Variants in FOCAD observed in about 807,000 individuals in gnomAD.
FOCAD encodes KIAA1797.
Under a neutral mutation model 225.6 loss-of-function variants are expected in FOCAD, and 198 were observed. The observed-to-expected ratio is 0.88, with a 90% CI of 0.78 to 0.99. The LOEUF (loss-of-function observed/expected upper bound fraction) is 0.99, where lower values mean the gene tolerates loss of function less well. FOCAD is among the 50% of genes least tolerant of loss of function. The pLI, the probability that FOCAD is intolerant of heterozygous loss-of-function variation, is 0.00. For missense variants in FOCAD, 2,713 were observed against 2,123.6 expected, an observed-to-expected ratio of 1.28 and a Z score of -5.46; for synonymous variants, 897 against 755.0, an observed-to-expected ratio of 1.19 and a Z score of -3.08.
chr9:20,918,166 G>A (rs1049292201), intron 24 of FOCAD, among the ~76,000 whole-genome samples: 5 of 152,302 alleles, frequency 3.3e-5, no homozygotes, highest in African/African-American at 9.6e-5. Context: ...GTTCTCTTAT[G>A]TAGTCTACAT....
chr9:20,709,076 T>C (rs553186623), intron 1 of FOCAD, among the ~76,000 whole-genome samples: 14 of 152,234 alleles, frequency 9.2e-5, no homozygotes, highest in African/African-American at 3.1e-4. Flanking sequence ...TTGAGAAAGT[T>C]GAAAACCCAA....
At chr9:20,670,611 C>T (rs1168223051) in intron 2 of FOCAD, among the ~76,000 whole-genome samples, 1 of 152,134 alleles carries the variant, frequency 6.6e-6, no homozygotes, top group Non-Finnish European at 1.5e-5. Flanking sequence ...CCCTCATAAT[C>T]CAATCACTTC....
At chr9:20,758,976 GACAA>G (rs1409644249) in intron 6 of FOCAD, among the ~76,000 whole-genome samples, 7 of 151,986 alleles carry the variant, frequency 4.6e-5, no homozygotes, top group Admixed American at 3.9e-4. Context: ...ACCAATAACA[GACAA>G]ACAGAGAGCC....
intron 6 of FOCAD, among the ~76,000 whole-genome samples, chr9:20,759,485 G>T (rs1435227458): frequency 6.6e-6 from 1 of 152,180 alleles, no homozygotes; most frequent in Non-Finnish European, 1.5e-5. Context: ...TTAATAAATG[G>T]TGCTGGGAAA....
chr9:20,976,529 A>C lies in FOCAD; in HGVS notation c.4242A>C (p.Pro1414=), dbSNP rs1320458364. 2 of 1,613,090 alleles carry C rather than the reference A, an allele frequency of 1.2e-6. No homozygotes were observed. The highest frequency in any genetic ancestry group is 1.7e-6 in the Non-Finnish European group (2 of 1,179,246). ...TGAACTGGGCTGCACTTCTCTCTCC[A>C]CTTATGAGGCTAAATTTTGGTAAAT... The part of the protein sequence containing the change: ...PPVNWAALLS[P]LMRLNFGEEI... The change falls in exon 36 of 44, where the codon CCA becomes CCC. Residue 1414 remains proline, a synonymous_variant. Transcript: ENST00000338382.
At chr9:20,804,829 T>C (rs1377547583) in intron 11 of FOCAD, among the ~76,000 whole-genome samples, 7 of 148,926 alleles carry the variant, frequency 4.7e-5, no homozygotes, top group Admixed American at 2.7e-4. Context: ...ATTCATTCTT[T>C]GCTGCTTGCA....
At chr9:20,929,871 C>T (rs1408246786) in intron 27 of FOCAD, among the ~76,000 whole-genome samples, 1 of 152,080 alleles carries the variant, frequency 6.6e-6, no homozygotes, top group East Asian at 1.9e-4. Flanking sequence ...CCCCAGGTAC[C>T]TATGTGTGGT....
At chr9:20,774,190 G>A (rs1818526179) in intron 8 of FOCAD, among the ~76,000 whole-genome samples, 1 of 152,064 alleles carries the variant, frequency 6.6e-6, no homozygotes, top group Non-Finnish European at 1.5e-5. Context: ...CCAGCCCCTG[G>A]TGCAAAAAAG....
intron 5 of FOCAD, among the ~76,000 whole-genome samples, chr9:20,749,868 T>C (rs1828387204): frequency 6.6e-6 from 1 of 152,128 alleles, no homozygotes; most frequent in Non-Finnish European, 1.5e-5. Context: ...ACCCCCTCAT[T>C]TCTATTAGGA....
At chr9:20,702,985 C>T (rs558849857) in intron 1 of FOCAD, among the ~76,000 whole-genome samples, 39 of 151,860 alleles carry the variant, frequency 2.6e-4, no homozygotes, top group Non-Finnish European at 4.1e-4. Flanking sequence ...CCAGCCTGGG[C>T]AACTGAGCAA....
At chr9:20,783,601 G>T (rs1819623359) in intron 10 of FOCAD, among the ~76,000 whole-genome samples, 1 of 147,738 alleles carries the variant, frequency 6.8e-6, no homozygotes. Context: ...TTTTTTTTGA[G>T]ACGGAGTCTC....
At chr9:20,741,043 G>C (rs1827572990) in intron 5 of FOCAD, among the ~76,000 whole-genome samples, 1 of 152,124 alleles carries the variant, frequency 6.6e-6, no homozygotes, top group African/African-American at 2.4e-5. Context: ...GTTGCCCTAG[G>C]AACTCTGTTC....
At chr9:20,894,270 A>G (rs1455189860) in intron 21 of FOCAD, among the ~76,000 whole-genome samples, 2 of 152,164 alleles carry the variant, frequency 1.3e-5, no homozygotes, top group African/African-American at 4.8e-5. Context: ...TGATGTATCC[A>G]TTTACCTACA....
At chr9:20,696,910 G>C (rs1482003857) in intron 1 of FOCAD, among the ~76,000 whole-genome samples, 1 of 152,118 alleles carries the variant, frequency 6.6e-6, no homozygotes, top group African/African-American at 2.4e-5. Flanking sequence ...GGGTGAGATT[G>C]GTGCCAATGT....
chr9:20,819,307 A>G (rs1447841529), intron 11 of FOCAD, among the ~76,000 whole-genome samples: 1 of 152,050 alleles, frequency 6.6e-6, no homozygotes, highest in African/African-American at 2.4e-5. Context: ...TTGAGCTCCC[A>G]GTGTTAAGTG....
chr9:20,777,109 A>G (rs1818838276), intron 8 of FOCAD, among the ~76,000 whole-genome samples: 1 of 152,122 alleles, frequency 6.6e-6, no homozygotes, highest in African/African-American at 2.4e-5. Context: ...AAGTCCATAA[A>G]CAAGCACATG....
rs761660051 is a variant in FOCAD, at chr9:20,803,923, G to C, written c.1455+14315G>C. ...GGTTAAGGGGACCCCTGAGAATTCTGTCAGTTAACTTTGTGGCCCTTTGCC... is the reference window on the plus strand; with the variant it reads ...GGTTAAGGGGACCCCTGAGAATTCTCTCAGTTAACTTTGTGGCCCTTTGCC... On this transcript the variant is annotated intron_variant, in intron 11 of 43. Coordinates refer to ENST00000338382, the MANE Select transcript of FOCAD (RefSeq NM_001375567.1). 4.6e-5 allele frequency among the ~76,000 whole-genome samples: 7 copies of C among 152,252 alleles called. No homozygotes were observed. In the South Asian group the frequency reaches 1.0e-3, roughly 23 times the overall value.
intron 40 of FOCAD, among the ~76,000 whole-genome samples, chr9:20,987,441 A>G (rs7030632): frequency 0.98 from 148,436 of 151,874 alleles, 72,662 homozygotes; most frequent in Non-Finnish European, 1. Flanking sequence ...CCAGGAGGCA[A>G]AGGTTGCAGT....
intron 15 of FOCAD, among the ~76,000 whole-genome samples, chr9:20,861,253 G>C (rs1001030039): frequency 6.6e-6 from 1 of 152,106 alleles, no homozygotes; most frequent in Non-Finnish European, 1.5e-5. Context: ...AGTTTTTGAA[G>C]GATTAGATCA....
Sources: allele counts gnomAD v4.1 joint callset (sites outside exome capture counted in the v4.1 genomes callset), GRCh38; gene constraint gnomAD v4.1.1; transcripts MANE v1.5; gene names NCBI Gene and HGNC (gene_info 2026-07-23, HGNC 2026-07-21).